SHISAL2A: variants seen among roughly 807,000 people sequenced by gnomAD.
SHISAL2A encodes the protein protein shisa-like-2A.
A neutral mutation model predicts 11.5 loss-of-function variants in SHISAL2A; 18 were observed. That is an observed-to-expected ratio of 1.57 (90% CI 1.08 to 2.33). SHISAL2A has a LOEUF of 2.33. Among genes scored for constraint, SHISAL2A ranks in the 30% most tolerant of loss-of-function variants. The pLI is 0.00. For missense variants in SHISAL2A, 261 were observed against 250.9 expected (o/e 1.04, Z -0.27); for synonymous variants, 94 against 99.6 (o/e 0.94, Z 0.34).
intron 1 of SHISAL2A, among the ~76,000 whole-genome samples, chr1:52,641,872 A>G (rs670978): frequency 0.34 from 51,171 of 151,836 alleles, 11,555 homozygotes; most frequent in African/African-American, 0.62. Flanking sequence ...GGAGGCCAAA[A>G]TGAGTAGATT....
At chr1:52,638,377 G>C (rs1178389160) in intron 1 of SHISAL2A, among the ~76,000 whole-genome samples, 1 of 145,762 alleles carries the variant, frequency 6.9e-6, no homozygotes, top group African/African-American at 2.7e-5. Context: ...CTAGATAACA[G>C]CCCTACGAAC....
chr1:52,649,262 A>G (rs1052884422), intron 2 of SHISAL2A, among the ~76,000 whole-genome samples: 4 of 152,128 alleles, frequency 2.6e-5, no homozygotes, highest in Non-Finnish European at 4.4e-5. Context: ...CTTCAATAGG[A>G]CATGGAGAGA....
At chr1:52,661,194 G>A (rs1691901018), downstream of SHISAL2A, among the ~76,000 whole-genome samples, 1 of 152,186 alleles carries the variant, frequency 6.6e-6, no homozygotes, top group African/African-American at 2.4e-5. Context: ...TTTATCCCGA[G>A]GGCAAAAGGG....
intron 2 of SHISAL2A, among the ~76,000 whole-genome samples, chr1:52,654,724 G>A (rs1022257508): frequency 2.6e-5 from 4 of 152,056 alleles, no homozygotes; most frequent in African/African-American, 4.8e-5. Context: ...CATGACATGC[G>A]GTTATGCAAA....
At chr1:52,654,189 G>T (rs758133888) in intron 2 of SHISAL2A, among the ~76,000 whole-genome samples, 6 of 151,876 alleles carry the variant, frequency 4.0e-5, no homozygotes, top group Admixed American at 1.3e-4. Flanking sequence ...GGGATTACAA[G>T]TGTGAGCCAC....
chr1:52,654,198 A>G (rs1404510910), intron 2 of SHISAL2A, among the ~76,000 whole-genome samples: 1 of 151,102 alleles, frequency 6.6e-6, no homozygotes, highest in African/African-American at 2.5e-5. Context: ...AGTGTGAGCC[A>G]CTGTGCCTGG....
At chr1:52,645,012 G>C (rs190126857) in intron 2 of SHISAL2A, among the ~76,000 whole-genome samples, 1 of 142,416 alleles carries the variant, frequency 7.0e-6, no homozygotes, top group Admixed American at 7.2e-5. Context: ...GCAAGACTCT[G>C]TCTCCAAAAA....
intron 2 of SHISAL2A, among the ~76,000 whole-genome samples, chr1:52,650,318 C>T (rs942704307): frequency 1.4e-4 from 21 of 152,142 alleles, no homozygotes; most frequent in African/African-American, 4.3e-4. Flanking sequence ...GGACTGGCCA[C>T]GGAGGTCCTT....
intron 4 of SHISAL2A, among the ~76,000 whole-genome samples, chr1:52,663,157 T>C (rs1467383584): frequency 6.6e-6 from 1 of 152,088 alleles, no homozygotes; most frequent in East Asian, 1.9e-4. Context: ...CTCTCTTAGC[T>C]CTTTGTCCTG....
chr1:52,637,056 A>C (rs985520021), intron 1 of SHISAL2A, among the ~76,000 whole-genome samples: 2 of 151,410 alleles, frequency 1.3e-5, no homozygotes, highest in African/African-American at 2.4e-5. Context: ...TGCCCTGGAA[A>C]CTCTGACGTG....
intron 2 of SHISAL2A, among the ~76,000 whole-genome samples, chr1:52,650,723 C>T (rs146314921): frequency 0.014 from 2,012 of 144,258 alleles, 40 homozygotes; most frequent in African/African-American, 0.048. Flanking sequence ...TGGCTCACTG[C>T]AACCTTCGCC....
chr1:52,657,923 C>A (rs1460982114), downstream of SHISAL2A, among the ~76,000 whole-genome samples: 1 of 152,226 alleles, frequency 6.6e-6, no homozygotes, highest in East Asian at 1.9e-4. Context: ...GACTCTGCCA[C>A]TGTGTGGCCT....
At chr1:52,641,816 AG>A (rs1489569159) in intron 1 of SHISAL2A, among the ~76,000 whole-genome samples, 1 of 151,388 alleles carries the variant, frequency 6.6e-6, no homozygotes, top group Non-Finnish European at 1.5e-5. Flanking sequence ...GGTGAGTGGG[AG>A]GGGGTGCCAG....
intron 2 of SHISAL2A, among the ~76,000 whole-genome samples, chr1:52,647,329 G>A (rs191013107): frequency 8.0e-4 from 121 of 152,194 alleles, no homozygotes; most frequent in African/African-American, 2.8e-3. Context: ...ATTTCCCCTA[G>A]GAGCAATAAT....
intron 2 of SHISAL2A, among the ~76,000 whole-genome samples, chr1:52,646,688 G>C (rs1480614989): frequency 6.6e-6 from 1 of 152,136 alleles, no homozygotes; most frequent in Non-Finnish European, 1.5e-5. Context: ...TGTATCCTAG[G>C]TGATATTGAA....
At chr1:52,666,726 T>C (rs949812484) in intron 4 of SHISAL2A, among the ~76,000 whole-genome samples, 8 of 152,090 alleles carry the variant, frequency 5.3e-5, no homozygotes, top group Non-Finnish European at 1.5e-5. Flanking sequence ...AGAAACTACC[T>C]CTGGCAAAAT....
chr1:52,666,159 T>C (rs1692008161), intron 4 of SHISAL2A, among the ~76,000 whole-genome samples: 1 of 152,208 alleles, frequency 6.6e-6, no homozygotes, highest in Non-Finnish European at 1.5e-5. Context: ...GATATCTAAA[T>C]GCAGTGTACC....
At chr1:52,649,343 C>G (rs1691573734) in intron 2 of SHISAL2A, among the ~76,000 whole-genome samples, 1 of 152,182 alleles carries the variant, frequency 6.6e-6, no homozygotes, top group African/African-American at 2.4e-5. Flanking sequence ...GTCCACATAG[C>G]CAGTGAGCAT....
intron 2 of SHISAL2A, among the ~76,000 whole-genome samples, chr1:52,652,923 G>T (rs1362316700): frequency 8.7e-6 from 1 of 115,558 alleles, no homozygotes; most frequent in Non-Finnish European, 1.6e-5. Flanking sequence ...CAGAGATCGC[G>T]CCACTGCACT....
Sources: allele counts gnomAD v4.1 joint callset (sites outside exome capture counted in the v4.1 genomes callset), GRCh38; gene constraint gnomAD v4.1.1; transcripts MANE v1.5; gene names NCBI Gene and HGNC (gene_info 2026-07-23, HGNC 2026-07-21).